FAM237B: variants seen among roughly 807,000 people sequenced by gnomAD.
FAM237B encodes family with sequence similarity 237 member B.
rs1009436938 is a variant in FAM237B at position 90,318,621 on chromosome 7, AT to A, written c.*707del. 1 of 152,124 alleles carries A rather than the reference AT, an allele frequency of 6.6e-6. No homozygotes were observed. 9.4% of individuals were successfully genotyped at this position (152,124 alleles called of 1,614,324 possible). A position where few individuals can be genotyped will look rare whatever the true frequency, so the allele number is the denominator to read the frequency against. Reference sequence around the variant, plus strand: ...TTCCATTGACTATTGTATCTAAAAAATATATCACATTTGCCTTTTAACTGAT... The same window carrying A: ...TTCCATTGACTATTGTATCTAAAAAAATATCACATTTGCCTTTTAACTGAT... On this transcript the variant is annotated 3_prime_UTR_variant, in exon 3 of 3. Coordinates refer to ENST00000692316, the MANE Select transcript of FAM237B (RefSeq NM_001384237.2).
In FAM237B at chr7:90,318,473, C is replaced by A. The variant is rs546867489; in HGVS notation, c.*856G>T. ...TGGCTTGGTAATGAAATGTACATTT[C>A]AGAAACCACAAAATATACTACATTA... On this transcript the variant is annotated 3_prime_UTR_variant, in exon 3 of 3. Transcript: ENST00000692316. The A allele has an allele frequency of 1.3e-5, 2 of 152,138 alleles. No homozygotes were observed. The highest frequency in any genetic ancestry group is 4.1e-4 in the South Asian group (2 of 4,826). The allele number at this position is 152,138 out of a possible 1,614,324, so 9.4% of individuals were successfully genotyped here. A position where few individuals can be genotyped will look rare whatever the true frequency, so the allele number is the denominator to read the frequency against.
At position 90,316,888 on chromosome 7, in the gene FAM237B, GTGAT is replaced by G. The variant is rs1203018949; in HGVS notation, c.*2437_*2440del. 1 of 152,184 alleles carries G rather than the reference GTGAT, an allele frequency of 6.6e-6. No homozygotes were observed. Among genetic ancestry groups the G allele is most frequent in the Admixed American group, 6.5e-5 (1 of 15,284 alleles). 9.4% of individuals were successfully genotyped at this position (152,184 alleles called of 1,614,324 possible). A position where few individuals can be genotyped will look rare whatever the true frequency, so the allele number is the denominator to read the frequency against. On this transcript the variant is annotated 3_prime_UTR_variant, in exon 3 of 3. Coordinates refer to ENST00000692316, the MANE Select transcript of FAM237B (RefSeq NM_001384237.2). ...AATAAAATTGTCATGACAACTATGA[GTGAT>G]TGAGGACAACTGGTTGAACAATTTT...
chr7:90,319,568 C>T lies in FAM237B; in HGVS notation c.181G>A (p.Glu61Lys), dbSNP rs538026591. 16 of 398,568 alleles carry T rather than the reference C, an allele frequency of 4.0e-5. No homozygotes were observed. In the South Asian group the frequency reaches 1.9e-3, roughly 48 times the overall value. The allele number at this position is 398,568 out of a possible 1,614,324, so 24.7% of individuals were successfully genotyped here. Residue 61 changes from glutamate to lysine, a missense_variant, in exon 3 of 3, where the codon GAA becomes AAA. Physicochemically the swap from Glu to Lys is moderately conservative, Grantham distance 56. Coordinates refer to ENST00000692316, the MANE Select transcript of FAM237B (RefSeq NM_001384237.2). The stretch of plus-strand genomic sequence containing the variant: ...TCCACATTGTGCTCTATCTTGAGTT[C>T]CTTGAGATCTATCAATGTCAAAGAG... ...ACSLTLIDLK[E>K]LKIEHNVDAF... is the part of the protein sequence containing the mutation.
At chr7:90,320,846 G>A (rs1584609533) in intron 1 of FAM237B, 76 bp downstream of exon 1, 1 of 148,594 alleles carries the variant, frequency 6.7e-6, no homozygotes, top group East Asian at 2.2e-4. Flanking sequence ...GATACATGAT[G>A]TATCAGAGGG....
At position 90,318,218 on chromosome 7, in the gene FAM237B, T is replaced by C. The variant is rs1433641794; in HGVS notation, c.*1111A>G. The C allele has an allele frequency of 6.6e-6, 1 of 152,240 alleles. No individual in the cohort carries two copies. The highest frequency in any genetic ancestry group is 2.4e-5 in the African/African-American group (1 of 41,472). 9.4% of individuals were successfully genotyped at this position (152,240 alleles called of 1,614,324 possible). A position where few individuals can be genotyped will look rare whatever the true frequency, so the allele number is the denominator to read the frequency against. On this transcript the variant is annotated 3_prime_UTR_variant, in exon 3 of 3. Transcript: ENST00000692316. Reference sequence around the variant, plus strand: ...TCCACTACTTCATGTTTTCCTTTTCTTCGGTATATTTCTTTAAAGCTTCAC... The same window carrying C: ...TCCACTACTTCATGTTTTCCTTTTCCTCGGTATATTTCTTTAAAGCTTCAC...
Position 90,318,710 on chromosome 7 carries a change from C to T in FAM237B, c.*619G>A, listed in dbSNP as rs1033321319. 1 of 151,934 alleles carries T rather than the reference C, an allele frequency of 6.6e-6. No individual in the cohort carries two copies. Among genetic ancestry groups the T allele is most frequent in the African/African-American group, 2.4e-5 (1 of 41,406 alleles). 9.4% of individuals were successfully genotyped at this position (151,934 alleles called of 1,614,324 possible). On this transcript the variant is annotated 3_prime_UTR_variant, in exon 3 of 3. Transcript: ENST00000692316. ...TCTAAGTAAAAAATTGAGAAATTAT[C>T]TGAAAATATTGGAATAATTCAATAG...
In FAM237B at chr7:90,319,227, A is replaced by C. The variant is rs890654477; in HGVS notation, c.*102T>G. 3.2e-4 allele frequency: 127 copies of C among 396,814 alleles called. No homozygotes were observed. The highest frequency in any genetic ancestry group is 7.1e-5 in the Non-Finnish European group (16 of 225,474). The allele number at this position is 396,814 out of a possible 1,614,324, so 24.6% of individuals were successfully genotyped here. ...GTAAAAATGAGAATCAAAACCTATCATTTTAGGGAAAAAAACTAAATATGG... is the reference window on the plus strand; with the variant it reads ...GTAAAAATGAGAATCAAAACCTATCCTTTTAGGGAAAAAAACTAAATATGG... On this transcript the variant is annotated 3_prime_UTR_variant, in exon 3 of 3. Transcript: ENST00000692316.
Position 90,318,996 on chromosome 7 carries a change from T to A in FAM237B, c.*333A>T, listed in dbSNP as rs2117588596. ...TTTTATACAACCCTATTGAAAAAAT[T>A]AATTTCAAAAGCCTAAATACATGTC... On this transcript the variant is annotated 3_prime_UTR_variant, in exon 3 of 3. Coordinates refer to ENST00000692316, the MANE Select transcript of FAM237B (RefSeq NM_001384237.2). 1 of 167,510 alleles carries A rather than the reference T, an allele frequency of 6.0e-6. No homozygotes were observed. Among genetic ancestry groups the A allele is most frequent in the South Asian group, 2.0e-4 (1 of 4,964 alleles). The allele number at this position is 167,510 out of a possible 1,614,324, so 10.4% of individuals were successfully genotyped here.
rs1472069116 is a variant in FAM237B at position 90,321,062 on chromosome 7, G to A, written c.-191C>T. ...GCCTCCTGCCCACGAGGAACCAGAG[G>A]TTTCAGCGGGGACGACCCCTGCCCA... On this transcript the variant is annotated 5_prime_UTR_variant, in exon 1 of 3. Transcript: ENST00000692316. 7 of 152,240 alleles carry A rather than the reference G, an allele frequency of 4.6e-5. No individual in the cohort carries two copies. The highest frequency in any genetic ancestry group is 8.8e-5 in the Non-Finnish European group (6 of 68,088). 9.4% of individuals were successfully genotyped at this position (152,240 alleles called of 1,614,324 possible).
At position 90,318,364 on chromosome 7, in the gene FAM237B, C is replaced by T. The variant is rs191936771; in HGVS notation, c.*965G>A. 1.7e-4 allele frequency: 26 copies of T among 151,970 alleles called. No individual in the cohort carries two copies. Among genetic ancestry groups the T allele is most frequent in the Non-Finnish European group, 3.2e-4 (22 of 67,906 alleles). 9.4% of individuals were successfully genotyped at this position (151,970 alleles called of 1,614,324 possible). ...AAGTTTCTGTCTTTGTTTATTGTTC[C>T]TTTTTCAAAACAAAGACAATAAAAA... On this transcript the variant is annotated 3_prime_UTR_variant, in exon 3 of 3. Coordinates refer to ENST00000692316, the MANE Select transcript of FAM237B (RefSeq NM_001384237.2).
chr7:90,320,080 A>T (rs1795182801), intron 2 of FAM237B, among the ~76,000 whole-genome samples: 1 of 152,244 alleles, frequency 6.6e-6, no homozygotes, highest in African/African-American at 2.4e-5. Flanking sequence ...TTAGATCATT[A>T]GTGATACGGT....
Position 90,319,020 on chromosome 7 carries a change from T to C in FAM237B, c.*309A>G, listed in dbSNP as rs574521707. On this transcript the variant is annotated 3_prime_UTR_variant, in exon 3 of 3. Transcript: ENST00000692316. Reference sequence around the variant, plus strand: ...TTAATTTCAAAAGCCTAAATACATGTCTGATGTTTAAAATTTCTTCAACAA... The same window carrying C: ...TTAATTTCAAAAGCCTAAATACATGCCTGATGTTTAAAATTTCTTCAACAA... The C allele has an allele frequency of 5.3e-6, 1 of 189,480 alleles. No individual in the cohort carries two copies. 11.7% of individuals were successfully genotyped at this position (189,480 alleles called of 1,614,324 possible).
At position 90,319,691 on chromosome 7, in the gene FAM237B, T is replaced by C. The variant is rs1562943120; in HGVS notation, c.58A>G (p.Asn20Asp). 1 of 398,482 alleles carries C rather than the reference T, an allele frequency of 2.5e-6. No homozygotes were observed. The highest frequency in any genetic ancestry group is 4.4e-6 in the Non-Finnish European group (1 of 226,064). The allele number at this position is 398,482 out of a possible 1,614,324, so 24.7% of individuals were successfully genotyped here. The change falls in exon 3 of 3, where the codon AAT becomes GAT. Residue 20 changes from asparagine to aspartate, a missense_variant. By Grantham distance (23) the Asn-to-Asp change is conservative. Transcript: ENST00000692316. ...YLHLGCMMLI[N>D]LVNADFEFQK... ...AACTCAAAGTCAGCATTAACCAGAT[T>C]GATCAGCATCATGCAGCCCAAATGT...
Position 90,319,769 on chromosome 7 carries a change from TGA to T in FAM237B, c.-3-20_-3-19del, listed in dbSNP as rs890065534. ...CACATATTCTATACAGAAAAAAAAA[TGA>T]GAGAGGATATATTTAACTTAAAAAA... On this transcript the variant is annotated intron_variant, in intron 2 of 2. Transcript: ENST00000692316. 7.5e-6 allele frequency: 3 copies of T among 398,106 alleles called. No homozygotes were observed. Among genetic ancestry groups the T allele is most frequent in the African/African-American group, 2.1e-5 (1 of 48,538 alleles). 24.7% of individuals were successfully genotyped at this position (398,106 alleles called of 1,614,324 possible).
In FAM237B at chr7:90,318,131, A is replaced by G. The variant is rs1007368566; in HGVS notation, c.*1198T>C. 8 of 152,146 alleles carry G rather than the reference A, an allele frequency of 5.3e-5. No homozygotes were observed. Among genetic ancestry groups the G allele is most frequent in the Admixed American group, 6.5e-5 (1 of 15,272 alleles). The allele number at this position is 152,146 out of a possible 1,614,324, so 9.4% of individuals were successfully genotyped here. On this transcript the variant is annotated 3_prime_UTR_variant, in exon 3 of 3. Transcript: ENST00000692316. ...TTACGACATGCATTCAAAAAGTATT[A>G]ATCTAAACCGTAACTCCATTGTATT...
In FAM237B at chr7:90,319,065, A is replaced by C. The variant is rs998829964; in HGVS notation, c.*264T>G. 3.7e-6 allele frequency: 1 copy of C among 266,730 alleles called. No individual in the cohort carries two copies. The highest frequency in any genetic ancestry group is 6.8e-5 in the East Asian group (1 of 14,660). The allele number at this position is 266,730 out of a possible 1,614,324, so 16.5% of individuals were successfully genotyped here. ...CAACAAATGTAATATGAATAATTAC[A>C]GGGTTAAATGGCTTTCTTATGAACT... On this transcript the variant is annotated 3_prime_UTR_variant, in exon 3 of 3. Coordinates refer to ENST00000692316, the MANE Select transcript of FAM237B (RefSeq NM_001384237.2).
intron 2 of FAM237B, 126 bp from the exon 3 acceptor site, chr7:90,319,877 T>G: frequency 2.5e-6 from 1 of 397,052 alleles, no homozygotes; most frequent in East Asian, 3.6e-5. Context: ...TACTAGGTAT[T>G]CATTTTTTCT....
rs1171419157 is a variant in FAM237B at position 90,321,226 on chromosome 7, T to G, written c.-355A>C. On this transcript the variant is annotated 5_prime_UTR_variant, in exon 1 of 3. Coordinates refer to ENST00000692316, the MANE Select transcript of FAM237B (RefSeq NM_001384237.2). ...TCTCGGCCGCGGTGCGCTTCGGCGC[T>G]GGGAGGCTCTGGCTGGCACTGGCTC... 1 of 152,182 alleles carries G rather than the reference T, an allele frequency of 6.6e-6. No individual in the cohort carries two copies. Among genetic ancestry groups the G allele is most frequent in the Non-Finnish European group, 1.5e-5 (1 of 68,088 alleles). The allele number at this position is 152,182 out of a possible 1,614,324, so 9.4% of individuals were successfully genotyped here. A position where few individuals can be genotyped will look rare whatever the true frequency, so the allele number is the denominator to read the frequency against.
rs1007334503 is a variant in FAM237B, at chr7:90,317,885, A to T, written c.*1444T>A. The T allele has an allele frequency of 3.3e-5, 5 of 152,192 alleles. No homozygotes were observed. The highest frequency in any genetic ancestry group is 1.2e-4 in the African/African-American group (5 of 41,462). 9.4% of individuals were successfully genotyped at this position (152,192 alleles called of 1,614,324 possible). On this transcript the variant is annotated 3_prime_UTR_variant, in exon 3 of 3. Transcript: ENST00000692316. ...GGAGAGAATCTGTCATTGTAAGGATACTTGAAACCAGTGTTGTAAACCATG... is the reference window on the plus strand; with the variant it reads ...GGAGAGAATCTGTCATTGTAAGGATTCTTGAAACCAGTGTTGTAAACCATG...
Sources: gnomAD v4.1 joint callset for allele counts (sites outside exome capture counted in the v4.1 genomes callset) on GRCh38, gnomAD v4.1.1 for gene constraint, MANE v1.5 for transcripts, NCBI Gene and HGNC (gene_info 2026-07-23, HGNC 2026-07-21) for gene names.